Variants in TGFBR2 observed in about 807,000 individuals in gnomAD.
TGFBR2 encodes the protein transforming growth factor beta receptor 2, also known as TGF-beta receptor type-2.
In TGFBR2, 18 loss-of-function variants were observed where a neutral mutation model predicts 49.0. The ratio of observed to expected loss-of-function variants is 0.37; its 90% confidence interval spans 0.25 to 0.54. TGFBR2 has a LOEUF of 0.54. Among genes scored for constraint, TGFBR2 ranks in the 20% least tolerant of loss-of-function variants. The pLI is 0.85. For missense variants in TGFBR2, 525 were observed against 722.6 expected (o/e 0.73, Z 3.13); for synonymous variants, 282 against 275.9 (o/e 1.02, Z -0.22).
At chr3:30,689,356 A>T (rs1699675811) in intron 6 of TGFBR2, among the ~76,000 whole-genome samples, 1 of 152,214 alleles carries the variant, frequency 6.6e-6, no homozygotes, top group Admixed American at 6.5e-5. Context: ...GAGAGAGAAC[A>T]GTGTGGCCCT....
At chr3:30,611,302 T>A (rs1698025560) in intron 1 of TGFBR2, among the ~76,000 whole-genome samples, 1 of 152,208 alleles carries the variant, frequency 6.6e-6, no homozygotes, top group Admixed American at 6.5e-5. Flanking sequence ...GTTTGTTAGG[T>A]GTTTGGTCCA....
At chr3:30,682,244 T>G (rs1386414113) in intron 5 of TGFBR2, among the ~76,000 whole-genome samples, 2 of 152,220 alleles carry the variant, frequency 1.3e-5, no homozygotes, top group Non-Finnish European at 2.9e-5. Context: ...ATTTTGTGGA[T>G]ATAGGAAGTG....
In TGFBR2 at chr3:30,643,146, G is replaced by A. The variant is rs575543361; in HGVS notation, c.95-1601G>A. ...AATCCTAAAATTCACAGGACAGAGA[G>A]TGACTGTGGAAAGGCATTGAAAGTG... On this transcript the variant is annotated intron_variant, in intron 1 of 6. Coordinates refer to ENST00000295754, the MANE Select transcript of TGFBR2 (RefSeq NM_003242.6). 5.9e-5 allele frequency among the ~76,000 whole-genome samples: 9 copies of A among 152,338 alleles called. No individual in the cohort carries two copies. The South Asian group carries it at 1.9e-3, about 32-fold the overall frequency.
At position 30,606,723 on chromosome 3, in the gene TGFBR2, C is replaced by G. The variant is rs1051427807; in HGVS notation, c.-161C>G. 1 of 461,826 alleles carries G rather than the reference C, an allele frequency of 2.2e-6. No individual in the cohort carries two copies. The highest frequency in any genetic ancestry group is 2.0e-5 in the African/African-American group (1 of 49,504). 28.6% of individuals were successfully genotyped at this position (461,826 alleles called of 1,614,324 possible). On this transcript the variant is annotated 5_prime_UTR_variant, in exon 1 of 7. Coordinates refer to ENST00000295754, the MANE Select transcript of TGFBR2 (RefSeq NM_003242.6). ...CGCGCCTCGCCGGCCTCCAGGCCCC[C>G]TCCTGGCTGGCGAGCGGGCGCCACA...
chr3:30,639,775 C>A (rs964515419), intron 1 of TGFBR2, among the ~76,000 whole-genome samples: 44 of 152,138 alleles, frequency 2.9e-4, no homozygotes, highest in Non-Finnish European at 5.1e-4. Flanking sequence ...CTCCAGAAAA[C>A]AACAGTCGGT....
chr3:30,649,521 A>C (rs1055522598), intron 2 of TGFBR2, among the ~76,000 whole-genome samples: 2 of 152,220 alleles, frequency 1.3e-5, no homozygotes, highest in African/African-American at 4.8e-5. Context: ...ATACTGTCAA[A>C]GTAGTTAGTT....
chr3:30,630,011 G>A (rs1319567368), intron 1 of TGFBR2, among the ~76,000 whole-genome samples: 1 of 152,066 alleles, frequency 6.6e-6, no homozygotes, highest in Non-Finnish European at 1.5e-5. Context: ...CCTCCCCCAT[G>A]GTTTCTCATT....
chr3:30,641,639 A>G (rs1440193679), intron 1 of TGFBR2, among the ~76,000 whole-genome samples: 1 of 152,126 alleles, frequency 6.6e-6, no homozygotes, highest in Non-Finnish European at 1.5e-5. Context: ...AACTTTCCTC[A>G]TATACAGTGG....
intron 1 of TGFBR2, among the ~76,000 whole-genome samples, chr3:30,608,365 C>G (rs1338807316): frequency 6.6e-6 from 1 of 152,146 alleles, no homozygotes; most frequent in Non-Finnish European, 1.5e-5. Flanking sequence ...AAATGGCCAG[C>G]TTGAATCTGG....
chr3:30,628,093 T>C (rs1698366182), intron 1 of TGFBR2, among the ~76,000 whole-genome samples: 1 of 148,376 alleles, frequency 6.7e-6, no homozygotes, highest in Admixed American at 6.8e-5. Flanking sequence ...TACTTTATTG[T>C]AGGAGGATGC....
rs1294310041 is a variant in TGFBR2, at chr3:30,625,647, A to C, written c.94+18670A>C. Among the ~76,000 whole-genome samples, 3 of 152,380 alleles carry C rather than the reference A, an allele frequency of 2.0e-5. No homozygotes were observed. The South Asian group carries it at 6.2e-4, about 32-fold the overall frequency. On this transcript the variant is annotated intron_variant, in intron 1 of 6. Coordinates refer to ENST00000295754, the MANE Select transcript of TGFBR2 (RefSeq NM_003242.6). ...TAAAATTATTTTTCAGGAAGAATTT[A>C]TACAATGGCAACTAAATGCCCTGCA...
At chr3:30,665,077 CAA>C (rs908301471) in intron 3 of TGFBR2, among the ~76,000 whole-genome samples, 2 of 152,138 alleles carry the variant, frequency 1.3e-5, no homozygotes, top group Non-Finnish European at 2.9e-5. Flanking sequence ...CCTCAGATGC[CAA>C]GAGAGATTCT....
At chr3:30,647,062 A>G (rs1170699357) in intron 2 of TGFBR2, among the ~76,000 whole-genome samples, 1 of 152,148 alleles carries the variant, frequency 6.6e-6, no homozygotes, top group Admixed American at 6.5e-5. Context: ...AGTATAGGGT[A>G]CGCTATAGTG....
intron 5 of TGFBR2, among the ~76,000 whole-genome samples, chr3:30,686,339 C>T (rs1042274124): frequency 1.3e-5 from 2 of 152,174 alleles, no homozygotes; most frequent in African/African-American, 4.8e-5. Context: ...ATTCAGATCT[C>T]ACCCAAGAGC....
chr3:30,607,826 AAT>A (rs1413108892), intron 1 of TGFBR2, among the ~76,000 whole-genome samples: 43 of 136,218 alleles, frequency 3.2e-4, no homozygotes, highest in South Asian at 4.5e-4. Context: ...TATATATATA[AAT>A]ATATATATAA....
In TGFBR2 at chr3:30,644,858, G is replaced by A. The variant is rs2125404816; in HGVS notation, c.206G>A (p.Ser69Asn). 1 of 1,614,156 alleles carries A rather than the reference G, an allele frequency of 6.2e-7. No homozygotes were observed. Among genetic ancestry groups the A allele is most frequent in the South Asian group, 1.1e-5 (1 of 91,084 alleles). The change falls in exon 2 of 7, where the codon AGC becomes AAC. Residue 69 changes from serine to asparagine, a missense_variant. This residue lies in a region of TGFBR2 where 376 missense variants were observed against 478.2 expected (regional missense o/e 0.79). Transcript: ENST00000295754. ...STCDNQKSCM[S>N]NCSITSICEK... ...TGTGACAACCAGAAATCCTGCATGA[G>A]CAACTGCAGCATCACCTCCATCTGT...
At chr3:30,611,606 G>A (rs1345882436) in intron 1 of TGFBR2, among the ~76,000 whole-genome samples, 2 of 86,814 alleles carry the variant, frequency 2.3e-5, no homozygotes, top group African/African-American at 5.9e-5. Context: ...TCATAGAAGG[G>A]TGTCGGAAAG....
chr3:30,641,372 A>G (rs190319782), intron 1 of TGFBR2, among the ~76,000 whole-genome samples: 1 of 152,190 alleles, frequency 6.6e-6, no homozygotes, highest in African/African-American at 2.4e-5. Flanking sequence ...CCTATATCAT[A>G]TAGAGGAAAA....
intron 1 of TGFBR2, among the ~76,000 whole-genome samples, chr3:30,608,623 A>T (rs1210262221): frequency 6.6e-6 from 1 of 152,154 alleles, no homozygotes; most frequent in Admixed American, 6.5e-5. Flanking sequence ...TTTGAAGTGG[A>T]TTGGGAACTT....
Sources: allele counts gnomAD v4.1 joint callset (sites outside exome capture counted in the v4.1 genomes callset), GRCh38; gene constraint gnomAD v4.1.1; regional missense constraint gnomAD v4.1.1; transcripts MANE v1.5; gene names NCBI Gene and HGNC (gene_info 2026-07-23, HGNC 2026-07-21).